AKAP8: variants seen among roughly 807,000 people sequenced by gnomAD.
AKAP8 encodes the protein A-kinase anchor protein 8.
In AKAP8, 24 loss-of-function variants were observed where a neutral mutation model predicts 67.5. The observed-to-expected ratio is 0.36, with a 90% CI of 0.26 to 0.50. AKAP8 has a LOEUF of 0.50. Ranked by LOEUF, AKAP8 falls within the 20% of genes least tolerant of loss-of-function variation. The pLI is 0.97. For synonymous variants in AKAP8, 400 were observed against 371.1 expected, an observed-to-expected ratio of 1.08 and a Z score of -0.90; for missense variants, 971 against 955.9, an observed-to-expected ratio of 1.02 and a Z score of -0.21.
At position 15,379,737 on chromosome 19, in the gene AKAP8, C is replaced by A; in HGVS notation, c.-6G>T. The A allele has an allele frequency of 1.9e-6, 3 of 1,611,568 alleles. No individual in the cohort carries two copies. Among genetic ancestry groups the A allele is most frequent in the South Asian group, 2.2e-5 (2 of 90,598 alleles). On this transcript the variant is annotated 5_prime_UTR_variant, in exon 1 of 14. Transcript: ENST00000269701. ...CCTCCGTAGCCCTGGTCCATGTCTT[C>A]GACGCGGCCCACCAGCAGCCCCGTT... is the stretch of plus-strand genomic sequence containing the variant.
chr19:15,372,888 C>G lies in AKAP8; in HGVS notation c.824G>C (p.Cys275Ser), dbSNP rs1165142541. Residue 275 changes from cysteine to serine, a missense_variant, in exon 5 of 14, where the codon TGT becomes TCT. Cys to Ser is a moderately radical substitution (Grantham distance 112). Coordinates refer to ENST00000269701, the MANE Select transcript of AKAP8 (RefSeq NM_005858.4). ...CCGCATCCGAGGCTGCGAGCGGCCA[C>G]ATCCGTAGGGCATGGTGCTGTCATA... ...GGYDSTMPYG[C>S]GRSQPRMRDR... 2.0e-6 allele frequency: 3 copies of G among 1,509,570 alleles called. No homozygotes were observed. Among genetic ancestry groups the G allele is most frequent in the Non-Finnish European group, 2.7e-6 (3 of 1,129,844 alleles). The allele number at this position is 1,509,570 out of a possible 1,614,324, so 93.5% of individuals were successfully genotyped here.
intron 4 of AKAP8, 187 bp downstream of exon 4, chr19:15,373,599 C>T: frequency 1.1e-6 from 1 of 940,602 alleles, no homozygotes; most frequent in Non-Finnish European, 1.5e-6. Flanking sequence ...CACGCCCAAG[C>T]CCCGCCATGA....
intron 9 of AKAP8, among the ~76,000 whole-genome samples, chr19:15,365,381 A>G (rs1967052419): frequency 6.6e-6 from 1 of 152,204 alleles, no homozygotes; most frequent in Non-Finnish European, 1.5e-5. Context: ...AGTCTCCCCA[A>G]ATGCAACCAC....
At chr19:15,374,553 A>G (rs1967219161) in intron 3 of AKAP8, 50 bp downstream of exon 3, 17 of 1,600,616 alleles carry the variant, frequency 1.1e-5, no homozygotes, top group Non-Finnish European at 1.4e-5. Flanking sequence ...TGGCCTTCAG[A>G]TCAGAGGCCC....
In AKAP8 at chr19:15,368,227, C is replaced by T. The variant is rs201082730; in HGVS notation, c.1160+8G>A. On this transcript the variant is annotated splice_region_variant and intron_variant, in intron 9 of 13. Coordinates refer to ENST00000269701, the MANE Select transcript of AKAP8 (RefSeq NM_005858.4). ...CTCCTCCTGTGGGGTCGTGTGCCCG[C>T]GCCTCACCTGTCGGCTGCACGGTCC... is the stretch of plus-strand genomic sequence containing the variant. 815 of 1,611,018 alleles carry T rather than the reference C, an allele frequency of 5.1e-4. 15 individuals are homozygous for T. In the South Asian group the frequency reaches 8.4e-3, roughly 17 times the overall value.
At chr19:15,370,622 T>C (rs1967138979) in intron 7 of AKAP8, among the ~76,000 whole-genome samples, 2 of 128,316 alleles carry the variant, frequency 1.6e-5, no homozygotes, top group African/African-American at 6.2e-5. Flanking sequence ...ATTTACCCAA[T>C]GTCTTTTTTT....
chr19:15,378,342 G>T lies in AKAP8; in HGVS notation c.20-1328C>A, dbSNP rs372901060. On this transcript the variant is annotated intron_variant, in intron 1 of 13. Coordinates refer to ENST00000269701, the MANE Select transcript of AKAP8 (RefSeq NM_005858.4). Reference sequence around the variant, plus strand: ...TGTGAAGCTCTAGTGTAAGTGGCACGCACTATTAACCTTAAAACGCTCCCG... The same window carrying T: ...TGTGAAGCTCTAGTGTAAGTGGCACTCACTATTAACCTTAAAACGCTCCCG... Among the ~76,000 whole-genome samples the T allele has an allele frequency of 3.3e-5, 5 of 152,238 alleles. No homozygotes were observed. The South Asian group carries it at 1.0e-3, about 32-fold the overall frequency.
chr19:15,373,104 G>A lies in AKAP8; in HGVS notation c.608C>T (p.Thr203Ile), dbSNP rs1229848551. The change falls in exon 5 of 14, where the codon ACC becomes ATC. Residue 203 changes from threonine to isoleucine, a missense_variant. Thr to Ile is a moderately conservative substitution (Grantham distance 89). Around this residue, in one of 3 missense-constraint regions of AKAP8, gnomAD observed 763 missense variants for 745.4 expected, o/e 1.02. Coordinates refer to ENST00000269701, the MANE Select transcript of AKAP8 (RefSeq NM_005858.4). ...GRFQDRSNPG[T>I]FMRSDPFVPP... Reference sequence around the variant, plus strand: ...CACGAAGGGGTCGCTGCGCATGAAGGTGCCAGGGTTGCTCCGGTCCTGGAA... The same window carrying A: ...CACGAAGGGGTCGCTGCGCATGAAGATGCCAGGGTTGCTCCGGTCCTGGAA... 4.3e-6 allele frequency: 7 copies of A among 1,612,516 alleles called. No individual in the cohort carries two copies. The South Asian group carries it at 4.4e-5, about 10-fold the overall frequency.
chr19:15,356,646 T>C (rs893637186), intron 13 of AKAP8, among the ~76,000 whole-genome samples: 17 of 152,006 alleles, frequency 1.1e-4, no homozygotes, highest in Non-Finnish European at 1.0e-4. Flanking sequence ...AAGTATATGA[T>C]AGAAAACTAT....
chr19:15,370,045 G>T, intron 8 of AKAP8, 101 bp downstream of exon 8: 2 of 1,445,496 alleles, frequency 1.4e-6, no homozygotes, highest in Non-Finnish European at 1.9e-6. Context: ...CACAGCCACG[G>T]GCCCCTCCAT....
intron 10 of AKAP8, 82 bp downstream of exon 10, chr19:15,362,028 C>G (rs1966975014): frequency 1.3e-6 from 2 of 1,562,674 alleles, no homozygotes; most frequent in African/African-American, 1.4e-5. Flanking sequence ...AGTATAGCCT[C>G]TGATTTCCCT....
At position 15,379,740 on chromosome 19, in the gene AKAP8, C is replaced by T. The variant is rs199553362; in HGVS notation, c.-9G>A. ...CCGTAGCCCTGGTCCATGTCTTCGA[C>T]GCGGCCCACCAGCAGCCCCGTTTAC... On this transcript the variant is annotated 5_prime_UTR_variant, in exon 1 of 14. Transcript: ENST00000269701. 42 of 1,611,390 alleles carry T rather than the reference C, an allele frequency of 2.6e-5. No individual in the cohort carries two copies. Among genetic ancestry groups the T allele is most frequent in the Middle Eastern group, 1.7e-4 (1 of 6,048 alleles).
At chr19:15,378,450 A>C (rs1352750551) in intron 1 of AKAP8, among the ~76,000 whole-genome samples, 1 of 152,124 alleles carries the variant, frequency 6.6e-6, no homozygotes, top group African/African-American at 2.4e-5. Flanking sequence ...GGTAAAAAAA[A>C]CCTCTCCAAA....
chr19:15,372,075 T>C (rs1967167820), intron 6 of AKAP8, 77 bp from the exon 7 acceptor site: 1 of 1,610,490 alleles, frequency 6.2e-7, no homozygotes, highest in Non-Finnish European at 8.5e-7. Flanking sequence ...AAGCTCGCCA[T>C]CCAGGGTGAG....
chr19:15,367,126 T>TG (rs1164448375), intron 9 of AKAP8, among the ~76,000 whole-genome samples: 1 of 152,188 alleles, frequency 6.6e-6, no homozygotes, highest in Non-Finnish European at 1.5e-5. Context: ...AGGCTGGTCT[T>TG]GAACTCCCGG....
rs374011971 is a variant in AKAP8 at position 15,372,325 on chromosome 19, C to T, written c.884G>A (p.Arg295His). The T allele has an allele frequency of 2.4e-5, 39 of 1,614,046 alleles. No homozygotes were observed. The highest frequency in any genetic ancestry group is 1.6e-4 in the Middle Eastern group (1 of 6,084). Reference sequence around the variant, plus strand: ...CCTGCCCGTGCCATCTGGTCCGAAGCGGTCAAACCCTCTCCTCTTGGGCTA... The same window carrying T: ...CCTGCCCGTGCCATCTGGTCCGAAGTGGTCAAACCCTCTCCTCTTGGGCTA... The part of the protein sequence containing the change: ...RDRPKRRGFD[R>H]FGPDGTGRKR... Residue 295 changes from arginine (R) to histidine (H), a missense_variant, in exon 6 of 14, where the codon CGC becomes CAC. Coordinates refer to ENST00000269701, the MANE Select transcript of AKAP8 (RefSeq NM_005858.4).
intron 1 of AKAP8, 124 bp downstream of exon 1, chr19:15,379,589 C>G (rs967015395): frequency 8.6e-7 from 1 of 1,157,460 alleles, no homozygotes; most frequent in African/African-American, 1.6e-5. Flanking sequence ...GCCGCCTCTC[C>G]GGAGGGCCCA....
intron 2 of AKAP8, 90 bp from the exon 3 acceptor site, chr19:15,374,725 C>G (rs1387486870): frequency 3.4e-6 from 5 of 1,471,560 alleles, no homozygotes; most frequent in Non-Finnish European, 4.7e-6. Flanking sequence ...CTCCACAGCC[C>G]CAGGGCCAGG....
In AKAP8 at chr19:15,369,505, C is replaced by T. The variant is rs1402074205; in HGVS notation, c.1072+641G>A. The stretch of plus-strand genomic sequence containing the variant: ...TCAGGGTGAGCTCCAGGCCGCGGCA[C>T]CTCAGGCCGCTCTGCCATGAGGGAT... On this transcript the variant is annotated intron_variant, in intron 8 of 13. Coordinates refer to ENST00000269701, the MANE Select transcript of AKAP8 (RefSeq NM_005858.4). This position sits in a 1 kb window ranked among gnomAD's most constrained non-coding sequence, Gnocchi z 4.6. 1.3e-5 allele frequency among the ~76,000 whole-genome samples: 2 copies of T among 152,226 alleles called. No individual in the cohort carries two copies. Among genetic ancestry groups the T allele is most frequent in the Non-Finnish European group, 2.9e-5 (2 of 68,042 alleles).
Sources: allele counts gnomAD v4.1 joint callset (sites outside exome capture counted in the v4.1 genomes callset), GRCh38; gene constraint gnomAD v4.1.1; regional missense constraint gnomAD v4.1.1; non-coding constraint Gnocchi (gnomAD v3.1); transcripts MANE v1.5; gene names NCBI Gene and HGNC (gene_info 2026-07-23, HGNC 2026-07-21).